The following KLHL36 variants were observed in gnomAD, a reference collection of about 807,000 sequenced individuals.
The protein encoded by KLHL36 is kelch-like protein 36.
KLHL36 carries 35 observed loss-of-function variants against 53.3 expected under a neutral mutation model. The ratio of observed to expected loss-of-function variants is 0.66; its 90% CI spans 0.50 to 0.87. The LOEUF is 0.87. Ranked by LOEUF, KLHL36 falls within the 40% of genes least tolerant of loss-of-function variation. The pLI is 0.00. For synonymous variants in KLHL36, 472 were observed against 398.9 expected (o/e 1.18, Z -2.18); for missense variants, 864 against 897.6 (o/e 0.96, Z 0.48).
chr16:84,657,279 T>G lies in KLHL36; in HGVS notation c.472T>G (p.Tyr158Asp). The change falls in exon 3 of 5, where the codon TAC becomes GAC. Residue 158 changes from tyrosine (Y) to aspartate (D), a missense_variant. Transcript: ENST00000564996. ...GTACCTGCAGGAGCTGGCCTCCATC[T>G]ACAGCCTCAAGCGGCTTGATGCCTT... is the stretch of plus-strand genomic sequence containing the variant. ...YLYLQELASI[Y>D]SLKRLDAFID... is the part of the protein sequence containing the mutation. 1 of 1,614,108 alleles carries G rather than the reference T, an allele frequency of 6.2e-7. No homozygotes were observed. The highest frequency in any genetic ancestry group is 8.5e-7 in the Non-Finnish European group (1 of 1,180,032).
intron 1 of KLHL36, among the ~76,000 whole-genome samples, chr16:84,649,856 A>C (rs905887674): frequency 3.3e-5 from 5 of 152,204 alleles, no homozygotes; most frequent in African/African-American, 1.2e-4. Flanking sequence ...AGCGGGGGAA[A>C]AAAATCCTCT....
Position 84,662,043 on chromosome 16 carries a change from CG to C in KLHL36, c.1764del (p.Ser589ProfsTer53). 2 of 1,583,034 alleles carry C rather than the reference CG, an allele frequency of 1.3e-6. No homozygotes were observed. Among genetic ancestry groups the C allele is most frequent in the Non-Finnish European group, 1.7e-6 (2 of 1,165,672 alleles). On this transcript the variant is annotated frameshift_variant, in exon 5 of 5. Coordinates refer to ENST00000564996, the MANE Select transcript of KLHL36 (RefSeq NM_024731.4). LOFTEE classifies it high-confidence loss of function. The part of the protein sequence containing the change: ...GVDLPKAIAG[G>X]SACVCALEPR... Reference sequence around the variant, plus strand: ...TCGACCTGCCCAAGGCCATCGCTGGCGGGTCCGCCTGTGTCTGCGCCCTGGA... The same window carrying C: ...TCGACCTGCCCAAGGCCATCGCTGGCGGTCCGCCTGTGTCTGCGCCCTGGA...
rs767260354 is a variant in KLHL36 at position 84,659,890 on chromosome 16, C to T, written c.1268C>T (p.Ser423Phe). 3.1e-6 allele frequency: 5 copies of T among 1,611,064 alleles called. No individual in the cohort carries two copies. The highest frequency in any genetic ancestry group is 1.3e-5 in the African/African-American group (1 of 74,964). The change falls in exon 4 of 5, where the codon TCC becomes TTC. Residue 423 changes from serine to phenylalanine, a missense_variant. Physicochemically the swap from Ser to Phe is radical, Grantham distance 155. Transcript: ENST00000564996. ...GAGACGTACAGTCCCAAGACTGACT[C>T]CTGGTCCTATGTGGCCGGCTTGCCA... ...SVETYSPKTD[S>F]WSYVAGLPRF...
chr16:84,660,051 T>A, intron 4 of KLHL36, 134 bp downstream of exon 4: 1 of 918,666 alleles, frequency 1.1e-6, no homozygotes. Context: ...TCAGGAAGAG[T>A]GGGTACACCA....
At chr16:84,652,522 G>T (rs546651465) in intron 2 of KLHL36, among the ~76,000 whole-genome samples, 280 of 152,276 alleles carry the variant, frequency 1.8e-3, no homozygotes, top group Non-Finnish European at 3.3e-3. Flanking sequence ...GCCAGCCTTG[G>T]CCTCCCAAAG....
Position 84,657,386 on chromosome 16 carries a change from G to A in KLHL36, c.579G>A (p.Leu193=). The change falls in exon 3 of 5, where the codon CTG becomes CTA. Residue 193 remains leucine (L), a synonymous_variant. Transcript: ENST00000564996. ...DFLQNVSMQK[L]CVYLSSSEVQ... is the part of the protein sequence containing the mutation. ...TGCAGAACGTCTCCATGCAGAAGCT[G>A]TGTGTCTACCTGAGCAGCAGCGAGG... 1.2e-6 allele frequency: 2 copies of A among 1,609,530 alleles called. No individual in the cohort carries two copies. The highest frequency in any genetic ancestry group is 1.7e-6 in the Non-Finnish European group (2 of 1,180,006).
intron 1 of KLHL36, among the ~76,000 whole-genome samples, chr16:84,650,130 C>T (rs898748037): frequency 6.6e-6 from 1 of 152,182 alleles, no homozygotes; most frequent in Non-Finnish European, 1.5e-5. Context: ...CTTATTTCAC[C>T]TCACTGCTCT....
chr16:84,649,779 C>T (rs1351986927), intron 1 of KLHL36, among the ~76,000 whole-genome samples: 1 of 152,228 alleles, frequency 6.6e-6, no homozygotes, highest in Non-Finnish European at 1.5e-5. Context: ...GACTTCTTGT[C>T]ACATTGTTCT....
At chr16:84,653,597 T>C (rs775030716) in intron 2 of KLHL36, among the ~76,000 whole-genome samples, 2 of 152,010 alleles carry the variant, frequency 1.3e-5, no homozygotes, top group Non-Finnish European at 2.9e-5. Context: ...TACTGATATA[T>C]GTATATATGC....
rs143513114 is a variant in KLHL36 at position 84,657,673 on chromosome 16, C to T, written c.866C>T (p.Ala289Val). The T allele has an allele frequency of 8.7e-6, 14 of 1,612,562 alleles. No homozygotes were observed. Among genetic ancestry groups the T allele is most frequent in the African/African-American group, 5.3e-5 (4 of 75,056 alleles). Residue 289 changes from alanine to valine, a missense_variant, in exon 3 of 5, where the codon GCG becomes GTG. Physicochemically the swap from Ala to Val is moderately conservative, Grantham distance 64. Transcript: ENST00000564996. ...AQPVMQTKRT[A>V]LRTNQERLLF... ...CCCGTCATGCAGACCAAGCGCACGGCGCTGCGCACCAACCAGGAGCGCCTG... is the reference window on the plus strand; with the variant it reads ...CCCGTCATGCAGACCAAGCGCACGGTGCTGCGCACCAACCAGGAGCGCCTG...
chr16:84,652,079 T>C (rs1379013920), intron 2 of KLHL36, among the ~76,000 whole-genome samples: 3 of 152,172 alleles, frequency 2.0e-5, no homozygotes, highest in African/African-American at 7.2e-5. Context: ...GCTTTATCGA[T>C]TGTGAAAACC....
chr16:84,665,136 A>G lies in KLHL36; in HGVS notation c.*3003A>G, dbSNP rs1161895768. 5 of 152,224 alleles carry G rather than the reference A, an allele frequency of 3.3e-5. No homozygotes were observed. In the East Asian group the frequency reaches 9.6e-4, roughly 29 times the overall value. 9.4% of individuals were successfully genotyped at this position (152,224 alleles called of 1,614,324 possible). A position where few individuals can be genotyped will look rare whatever the true frequency, so the allele number is the denominator to read the frequency against. On this transcript the variant is annotated 3_prime_UTR_variant, in exon 5 of 5. Coordinates refer to ENST00000564996, the MANE Select transcript of KLHL36 (RefSeq NM_024731.4). ...GTGGGGTTTTAAACTAGAGTGATGAAGGCACAGGTGCTTGCAGGCTGCCAT... is the reference window on the plus strand; with the variant it reads ...GTGGGGTTTTAAACTAGAGTGATGAGGGCACAGGTGCTTGCAGGCTGCCAT...
In KLHL36 at chr16:84,661,459, C is replaced by T. The variant is rs1907540110; in HGVS notation, c.1296-119C>T. The T allele has an allele frequency of 2.0e-6, 2 of 995,630 alleles. No individual in the cohort carries two copies. Among genetic ancestry groups the T allele is most frequent in the Admixed American group, 4.7e-5 (2 of 42,368 alleles). 61.7% of individuals were successfully genotyped at this position (995,630 alleles called of 1,614,324 possible). A position where few individuals can be genotyped will look rare whatever the true frequency, so the allele number is the denominator to read the frequency against. On this transcript the variant is annotated intron_variant, in intron 4 of 4. Transcript: ENST00000564996. The surrounding 1 kb of genome is among the most constrained non-coding windows in gnomAD (Gnocchi z 7.9). Reference sequence around the variant, plus strand: ...CTATAGAGTGTTCATGGGGTGCCCACTCCCTATATTCTTAAATCCTCATGG... The same window carrying T: ...CTATAGAGTGTTCATGGGGTGCCCATTCCCTATATTCTTAAATCCTCATGG...
At position 84,657,747 on chromosome 16, in the gene KLHL36, G is replaced by A. The variant is rs1419750069; in HGVS notation, c.940G>A (p.Asp314Asn). 13 of 1,612,158 alleles carry A rather than the reference G, an allele frequency of 8.1e-6. No homozygotes were observed. Among genetic ancestry groups the A allele is most frequent in the African/African-American group, 1.3e-5 (1 of 75,052 alleles). ...VSERCLELSD[D>N]TCYLDAKSEQ... is the part of the protein sequence containing the mutation. ...CGAGCGGTGTCTGGAGCTCAGTGAC[G>A]ACACCTGCTACCTGGACGCCAAGAG... The change falls in exon 3 of 5, where the codon GAC (aspartate) becomes AAC (asparagine). Residue 314 changes from aspartate to asparagine, a missense_variant. Coordinates refer to ENST00000564996, the MANE Select transcript of KLHL36 (RefSeq NM_024731.4).
chr16:84,655,565 A>T (rs1272972257), intron 2 of KLHL36, among the ~76,000 whole-genome samples: 1 of 151,664 alleles, frequency 6.6e-6, no homozygotes, highest in Non-Finnish European at 1.5e-5. Context: ...TTAGCCAGGC[A>T]TGGTGGCACA....
In KLHL36 at chr16:84,656,895, A is replaced by C; in HGVS notation, c.88A>C (p.Ser30Arg). The change falls in exon 3 of 5, where the codon AGC becomes CGC. Residue 30 changes from serine to arginine, a missense_variant. Ser to Arg is a moderately radical substitution (Grantham distance 110). Coordinates refer to ENST00000564996, the MANE Select transcript of KLHL36 (RefSeq NM_024731.4). ...GGTATACCGCTGGGCCGACCACTCA[A>C]GCACGGTGCTGCAGCGGCTGAACGA... ...SKVYRWADHS[S>R]TVLQRLNEQR... 3 of 1,611,548 alleles carry C rather than the reference A, an allele frequency of 1.9e-6. No individual in the cohort carries two copies. In the South Asian group the frequency reaches 3.3e-5, roughly 18 times the overall value.
intron 2 of KLHL36, among the ~76,000 whole-genome samples, chr16:84,654,348 T>A (rs547481854): frequency 2.6e-5 from 4 of 152,320 alleles, no homozygotes; most frequent in Admixed American, 1.3e-4. Context: ...TGACCATTCC[T>A]GCATAATTAG....
At chr16:84,649,792 A>G (rs1192262171) in intron 1 of KLHL36, among the ~76,000 whole-genome samples, 1 of 152,170 alleles carries the variant, frequency 6.6e-6, no homozygotes, top group Non-Finnish European at 1.5e-5. Context: ...ATTGTTCTTT[A>G]TTAGTGAAGA....
In KLHL36 at chr16:84,661,747, T is replaced by C; in HGVS notation, c.1465T>C (p.Cys489Arg). 2 of 1,613,384 alleles carry C rather than the reference T, an allele frequency of 1.2e-6. No homozygotes were observed. Among genetic ancestry groups the C allele is most frequent in the Non-Finnish European group, 1.7e-6 (2 of 1,179,884 alleles). Residue 489 changes from cysteine to arginine, a missense_variant, in exon 5 of 5, where the codon TGC becomes CGC. Cys to Arg is a radical substitution (Grantham distance 180). Transcript: ENST00000564996. The surrounding 1 kb of genome is among the most constrained non-coding windows in gnomAD (Gnocchi z 7.9). ...CACGGCGCGCGGCTGGCACAGCATG[T>C]GCAGCCTGGGTGACAGCATCTACTC... ...MTTARGWHSM[C>R]SLGDSIYSIG...
Sources: gnomAD v4.1 joint callset for allele counts (sites outside exome capture counted in the v4.1 genomes callset) on GRCh38, gnomAD v4.1.1 for gene constraint, Gnocchi (gnomAD v3.1) non-coding constraint, MANE v1.5 for transcripts, NCBI Gene and HGNC (gene_info 2026-07-23, HGNC 2026-07-21) for gene names.